Variants in PRKCQ observed in about 807,000 individuals in gnomAD.
PRKCQ encodes the protein protein kinase C theta.
PRKCQ carries 41 observed loss-of-function variants against 91.2 expected under a neutral mutation model. The observed-to-expected ratio is 0.45, with a 90% CI of 0.35 to 0.58. The LOEUF (loss-of-function observed/expected upper bound fraction) is 0.58. Among genes scored for constraint, PRKCQ ranks in the 20% least tolerant of loss-of-function variants. PRKCQ has a pLI of 0.00. For synonymous variants in PRKCQ, 307 were observed against 316.9 expected, an observed-to-expected ratio of 0.97 and a Z score of 0.33; for missense variants, 673 against 896.5, an observed-to-expected ratio of 0.75 and a Z score of 3.18.
At chr10:6,404,133 G>A in the PRKCQ span, among the ~76,000 whole-genome samples, 148,888 of 152,024 alleles carry the variant, frequency 0.98, 72,978 homozygotes, top group East Asian at 1. Context: ...ATAAAAAAAT[G>A]CAGAATTCTA....
chr10:6,545,421 C>T (rs1255459562), intron 1 of PRKCQ, among the ~76,000 whole-genome samples: 2 of 152,186 alleles, frequency 1.3e-5, no homozygotes, highest in Admixed American at 6.5e-5. Context: ...AAAGGAAGGA[C>T]GTGGTGACAC....
the PRKCQ span, among the ~76,000 whole-genome samples, chr10:6,397,047 G>A: frequency 1.3e-5 from 2 of 152,002 alleles, no homozygotes; most frequent in Non-Finnish European, 2.9e-5. Flanking sequence ...GACCATCTTT[G>A]TATGTGTTTA....
intron 1 of PRKCQ, among the ~76,000 whole-genome samples, chr10:6,529,572 T>A (rs1839318296): frequency 6.6e-6 from 1 of 152,222 alleles, no homozygotes. Flanking sequence ...GGCTTTGCCA[T>A]TCTCGAACCT....
chr10:6,566,072 T>C (rs925047183), intron 1 of PRKCQ, among the ~76,000 whole-genome samples: 1 of 152,220 alleles, frequency 6.6e-6, no homozygotes. Flanking sequence ...GAAATCCACT[T>C]GACCTTTTCA....
intron 1 of PRKCQ, among the ~76,000 whole-genome samples, chr10:6,518,247 C>T (rs1263798187): frequency 6.6e-6 from 1 of 151,964 alleles, no homozygotes; most frequent in African/African-American, 2.4e-5. Context: ...GTTATAAATA[C>T]AGAGATTATA....
In PRKCQ at chr10:6,477,672, A is replaced by G. The variant is rs144855659; in HGVS notation, c.1353+1320T>C. 4.8e-3 allele frequency among the ~76,000 whole-genome samples: 725 copies of G among 152,356 alleles called. 9 individuals are homozygous for G. Among genetic ancestry groups the G allele is most frequent in the African/African-American group, 0.017 (699 of 41,574 alleles). The stretch of plus-strand genomic sequence containing the variant: ...CACCTGAGGTCAGGAGTTTGAGACC[A>G]GCCTGGCCAACATGGTGAAACCCTG... On this transcript the variant is annotated intron_variant, in intron 12 of 17. Coordinates refer to ENST00000263125, the MANE Select transcript of PRKCQ (RefSeq NM_006257.5).
the PRKCQ span, among the ~76,000 whole-genome samples, chr10:6,404,820 T>A: frequency 6.8e-6 from 1 of 147,488 alleles, no homozygotes; most frequent in South Asian, 2.2e-4. Flanking sequence ...TCTTTCATTC[T>A]TTCTTTCCTT....
At chr10:6,538,359 G>A (rs528619751) in intron 1 of PRKCQ, among the ~76,000 whole-genome samples, 16 of 152,366 alleles carry the variant, frequency 1.1e-4, no homozygotes, top group Admixed American at 5.9e-4. Context: ...AAGAAGCAAG[G>A]CTAGTTTTGT....
intron 4 of PRKCQ, among the ~76,000 whole-genome samples, chr10:6,506,251 T>C (rs1225863829): frequency 6.6e-6 from 1 of 152,200 alleles, no homozygotes; most frequent in African/African-American, 2.4e-5. Flanking sequence ...ATTTCAAATA[T>C]ACCTAAAAGT....
chr10:6,437,170 T>G (rs1341179150), intron 16 of PRKCQ, among the ~76,000 whole-genome samples: 1 of 152,216 alleles, frequency 6.6e-6, no homozygotes, highest in African/African-American at 2.4e-5. Context: ...TGCTTTGGAC[T>G]GAATGGCGTC....
intron 12 of PRKCQ, among the ~76,000 whole-genome samples, chr10:6,466,062 T>C (rs963145513): frequency 2.0e-5 from 3 of 152,176 alleles, no homozygotes; most frequent in Non-Finnish European, 4.4e-5. Flanking sequence ...AATGGCCCTA[T>C]ACAAGCCACA....
intron 12 of PRKCQ, among the ~76,000 whole-genome samples, chr10:6,466,255 G>A (rs1284724786): frequency 6.6e-6 from 1 of 152,194 alleles, no homozygotes; most frequent in Non-Finnish European, 1.5e-5. Context: ...AGTGGTGGGA[G>A]GGGACTGGAG....
chr10:6,491,804 C>T lies in PRKCQ; in HGVS notation c.669G>A (p.Lys223=), dbSNP rs748119256. The T allele has an allele frequency of 1.9e-6, 3 of 1,614,194 alleles. No individual in the cohort carries two copies. Reference sequence around the variant, plus strand: ...GTGGCATGTCAATTTTGAATCTCTCCTTGTGGAACTGAAAGAAAGGCAGAA... The same window carrying T: ...GTGGCATGTCAATTTTGAATCTCTCTTTGTGGAACTGAAAGAAAGGCAGAA... ...AINSRETMFH[K]ERFKIDMPHR... Residue 223 remains lysine, a synonymous_variant, in exon 8 of 18, where the codon AAG becomes AAA. Transcript: ENST00000263125.
intron 2 of PRKCQ, among the ~76,000 whole-genome samples, chr10:6,514,510 C>G (rs1390797405): frequency 6.6e-6 from 1 of 152,178 alleles, no homozygotes; most frequent in Admixed American, 6.5e-5. Context: ...CAGCCAAGAC[C>G]TTAGTGAGTG....
intron 1 of PRKCQ, 175 bp from the exon 2 acceptor site, chr10:6,515,319 A>G: frequency 6.7e-7 from 1 of 1,496,990 alleles, no homozygotes; most frequent in African/African-American, 1.4e-5. Context: ...TGCTGGACTC[A>G]CCCAAAACCA....
intron 1 of PRKCQ, among the ~76,000 whole-genome samples, chr10:6,578,075 G>A (rs189510891): frequency 6.6e-6 from 1 of 152,382 alleles, no homozygotes. Flanking sequence ...GGCTATGTAA[G>A]GGGGCTTCTG....
intron 8 of PRKCQ, among the ~76,000 whole-genome samples, chr10:6,490,570 A>AC (rs940142996): frequency 5.4e-5 from 8 of 147,022 alleles, no homozygotes; most frequent in Admixed American, 2.7e-4. Context: ...TAAAAAAAAA[A>AC]AAAAACAAAG....
chr10:6,398,911 A>C, the PRKCQ span, among the ~76,000 whole-genome samples: 1 of 152,026 alleles, frequency 6.6e-6, no homozygotes, highest in South Asian at 2.1e-4. Context: ...AAGCCACCAC[A>C]CCCAACTAAT....
the PRKCQ span, among the ~76,000 whole-genome samples, chr10:6,404,301 G>C: frequency 7.5e-6 from 1 of 133,544 alleles, no homozygotes; most frequent in African/African-American, 2.7e-5. Context: ...CATGGCCAGA[G>C]GTCTAACTCA....
Sources: gnomAD v4.1 joint callset for allele counts (sites outside exome capture counted in the v4.1 genomes callset) on GRCh38, gnomAD v4.1.1 for gene constraint, MANE v1.5 for transcripts, NCBI Gene and HGNC (gene_info 2026-07-23, HGNC 2026-07-21) for gene names.